Variants in UBAP2L observed in about 807,000 individuals in gnomAD.
The protein encoded by UBAP2L is ubiquitin associated protein 2 like, also known as ubiquitin-associated protein 2-like.
Under a neutral mutation model 130.6 loss-of-function variants are expected in UBAP2L, and 12 were observed. The observed-to-expected ratio is 0.09, with a 90% CI of 0.06 to 0.15. UBAP2L has a LOEUF of 0.15. Ranked by LOEUF, UBAP2L falls within the 10% of genes least tolerant of loss-of-function variation. UBAP2L has a pLI of 1.00. For missense variants in UBAP2L, 965 were observed against 1,332.5 expected, an observed-to-expected ratio of 0.72 and a Z score of 4.29; for synonymous variants, 503 against 524.7, an observed-to-expected ratio of 0.96 and a Z score of 0.57.
intron 14 of UBAP2L, among the ~76,000 whole-genome samples, chr1:154,253,575 T>G (rs1444297923): frequency 6.6e-6 from 1 of 151,614 alleles, no homozygotes; most frequent in Non-Finnish European, 1.5e-5. Context: ...GTAGAGACCA[T>G]GTTAGCCAGG....
At chr1:154,243,358 G>C in intron 10 of UBAP2L, 56 bp downstream of exon 10, 1 of 1,519,624 alleles carries the variant, frequency 6.6e-7, no homozygotes, top group South Asian at 1.1e-5. Flanking sequence ...TGAGATTACT[G>C]TAAAGAGAAG....
intron 8 of UBAP2L, 120 bp from the exon 9 acceptor site, chr1:154,241,393 A>G (rs1262572977): frequency 1.8e-5 from 16 of 898,972 alleles, no homozygotes; most frequent in Non-Finnish European, 2.6e-5. Context: ...TGGCCTTCTG[A>G]TTACTAAATT....
intron 4 of UBAP2L, among the ~76,000 whole-genome samples, chr1:154,229,179 C>T (rs12145394): frequency 0.21 from 31,598 of 151,776 alleles, 4,371 homozygotes; most frequent in Non-Finnish European, 0.31. Context: ...ATATCAGCTT[C>T]GCATTGCACA....
At chr1:154,269,015 C>CT (rs1309989984) in intron 26 of UBAP2L, 61 bp downstream of exon 26, 1 of 1,578,612 alleles carries the variant, frequency 6.3e-7, no homozygotes, top group Non-Finnish European at 8.6e-7. Flanking sequence ...TTAAAACTGC[C>CT]TTCCCTTTCC....
At chr1:154,269,514 C>A in intron 26 of UBAP2L, 1 of 999,544 alleles carries the variant, frequency 1.0e-6, no homozygotes. Flanking sequence ...GGTCACAAAT[C>A]GGGATACACA....
At chr1:154,250,633 C>T (rs1677273505) in intron 12 of UBAP2L, among the ~76,000 whole-genome samples, 1 of 152,044 alleles carries the variant, frequency 6.6e-6, no homozygotes, top group Admixed American at 6.6e-5. Context: ...GCGGACGGAT[C>T]ACTTGAGGTC....
At chr1:154,263,814 A>AG (rs1314316579) in intron 24 of UBAP2L, among the ~76,000 whole-genome samples, 1 of 152,142 alleles carries the variant, frequency 6.6e-6, no homozygotes, top group African/African-American at 2.4e-5. Context: ...AAAAGTTTGG[A>AG]GTGTCATGTC....
At chr1:154,244,460 TCTC>T (rs1243837556) in intron 10 of UBAP2L, among the ~76,000 whole-genome samples, 1 of 151,686 alleles carries the variant, frequency 6.6e-6, no homozygotes, top group Non-Finnish European at 1.5e-5. Flanking sequence ...ACTGCAACCT[TCTC>T]CTGGGTTCAA....
chr1:154,256,302 C>G (rs1679627112), intron 18 of UBAP2L, among the ~76,000 whole-genome samples: 1 of 152,112 alleles, frequency 6.6e-6, no homozygotes, highest in African/African-American at 2.4e-5. Flanking sequence ...GGCTAAGGCT[C>G]CTTTAGGAGT....
chr1:154,235,373 T>G lies in UBAP2L; in HGVS notation c.544+82T>G, dbSNP rs1671290920. 6 of 637,820 alleles carry G rather than the reference T, an allele frequency of 9.4e-6. No homozygotes were observed. In the South Asian group the frequency reaches 9.5e-5, roughly 10 times the overall value. The allele number at this position is 637,820 out of a possible 1,614,324, so 39.5% of individuals were successfully genotyped here. On this transcript the variant is annotated intron_variant, in intron 6 of 26. Transcript: ENST00000428931. ...GGTCTGCTTTATTTTTTTTTTTTAT[T>G]GGAGGTAGTCTCACTCTCACCCAGG...
chr1:154,261,620 G>T lies in UBAP2L; in HGVS notation c.2825G>T (p.Gly942Val). ...PVAPTSSKQHGVNVSVNASAT... is the reference protein window; with the variant it reads ...PVAPTSSKQHVVNVSVNASAT... The stretch of plus-strand genomic sequence containing the variant: ...GCTCCTACCTCTTCCAAGCAGCATG[G>T]TGTGAATGTCAGTGTGAATGCATCG... The change falls in exon 24 of 27, where the codon GGT (glycine) becomes GTT (valine). Residue 942 changes from glycine (G) to valine (V), a missense_variant. Around this residue, in one of 9 missense-constraint regions of UBAP2L, gnomAD observed 194 missense variants for 334.0 expected, o/e 0.58. Transcript: ENST00000428931. 6.2e-7 allele frequency: 1 copy of T among 1,614,132 alleles called. No homozygotes were observed. The highest frequency in any genetic ancestry group is 8.5e-7 in the Non-Finnish European group (1 of 1,180,026).
chr1:154,223,194 T>A (rs1195379932), intron 1 of UBAP2L, among the ~76,000 whole-genome samples: 2 of 152,170 alleles, frequency 1.3e-5, no homozygotes, highest in Non-Finnish European at 2.9e-5. Context: ...ATTAGGAGAA[T>A]TTTTTTCTTT....
chr1:154,254,829 T>TC lies in UBAP2L; in HGVS notation c.1855-7_1855-6insC. 1 of 1,602,398 alleles carries TC rather than the reference T, an allele frequency of 6.2e-7. No individual in the cohort carries two copies. Among genetic ancestry groups the TC allele is most frequent in the East Asian group, 2.2e-5 (1 of 44,840 alleles). On this transcript the variant is annotated splice_polypyrimidine_tract_variant and splice_region_variant and intron_variant, in intron 15 of 26. Coordinates refer to ENST00000428931, the MANE Select transcript of UBAP2L (RefSeq NM_014847.4). ...TCTTGCTCTTCTGTTTTTTTTTTTT[T>TC]TACCAGAATGGCTTCAGTTCTGTGC...
intron 4 of UBAP2L, among the ~76,000 whole-genome samples, chr1:154,231,715 G>T (rs758220611): frequency 6.6e-6 from 1 of 152,110 alleles, no homozygotes; most frequent in African/African-American, 2.4e-5. Flanking sequence ...TTCAAGGTTC[G>T]TCCATATTGT....
chr1:154,269,530 A>T, intron 26 of UBAP2L: 1 of 791,022 alleles, frequency 1.3e-6, no homozygotes. Context: ...ACACAAACAC[A>T]AACACCTTGC....
At chr1:154,251,816 G>T (rs1272443112) in intron 14 of UBAP2L, among the ~76,000 whole-genome samples, 163 bp downstream of exon 14, 1 of 152,090 alleles carries the variant, frequency 6.6e-6, no homozygotes, top group Admixed American at 6.5e-5. Context: ...TGTTATTAGG[G>T]TTATCTGTAA....
chr1:154,227,841 C>T (rs1017793818), intron 3 of UBAP2L, among the ~76,000 whole-genome samples: 3 of 152,092 alleles, frequency 2.0e-5, no homozygotes, highest in Non-Finnish European at 4.4e-5. Flanking sequence ...AGCCACTGCA[C>T]CCAGCCTATT....
chr1:154,249,391 T>C lies in UBAP2L; in HGVS notation c.1167T>C (p.Ser389=), dbSNP rs1676726556. The change falls in exon 12 of 27, where the codon TCT becomes TCC. Residue 389 remains serine, a synonymous_variant. Coordinates refer to ENST00000428931, the MANE Select transcript of UBAP2L (RefSeq NM_014847.4). ...AGTCTGGAAGCACCACCACCTCCTCTTGGGACATGGGCTCGACGACACAAT... is the reference window on the plus strand; with the variant it reads ...AGTCTGGAAGCACCACCACCTCCTCCTGGGACATGGGCTCGACGACACAAT... ...HSQSGSTTTS[S]WDMGSTTQSP... is the part of the protein sequence containing the mutation. 1.9e-6 allele frequency: 3 copies of C among 1,614,158 alleles called. No homozygotes were observed. Among genetic ancestry groups the C allele is most frequent in the Non-Finnish European group, 2.5e-6 (3 of 1,180,020 alleles).
chr1:154,267,912 G>A (rs1484160690), intron 25 of UBAP2L, among the ~76,000 whole-genome samples: 2 of 39,814 alleles, frequency 5.0e-5, no homozygotes, highest in African/African-American at 8.5e-5. Context: ...TTTTTGAGAC[G>A]GAGTTTCATT....
Sources: allele counts gnomAD v4.1 joint callset (sites outside exome capture counted in the v4.1 genomes callset), GRCh38; gene constraint gnomAD v4.1.1; regional missense constraint gnomAD v4.1.1; transcripts MANE v1.5; gene names NCBI Gene and HGNC (gene_info 2026-07-23, HGNC 2026-07-21).